HHAT: variants seen among roughly 807,000 people sequenced by gnomAD.
HHAT encodes protein-cysteine N-palmitoyltransferase HHAT.
A neutral mutation model predicts 70.8 loss-of-function variants in HHAT; 47 were observed. That is an observed-to-expected ratio of 0.66 (90% CI 0.53 to 0.85). HHAT has a LOEUF of 0.85. HHAT is among the 40% of genes least tolerant of loss of function. The pLI is 0.00. For missense variants in HHAT, 609 were observed against 604.8 expected, an observed-to-expected ratio of 1.01 and a Z score of -0.07; for synonymous variants, 228 against 247.6, an observed-to-expected ratio of 0.92 and a Z score of 0.74.
chr1:210,450,490 T>C (rs2093729636), intron 7 of HHAT, among the ~76,000 whole-genome samples: 1 of 151,982 alleles, frequency 6.6e-6, no homozygotes, highest in African/African-American at 2.4e-5. Context: ...TTATTTTGTA[T>C]CTTATTTTTA....
intron 10 of HHAT, among the ~76,000 whole-genome samples, chr1:210,595,013 G>C (rs1186967512): frequency 6.6e-6 from 1 of 151,686 alleles, no homozygotes; most frequent in African/African-American, 2.4e-5. Flanking sequence ...TGTGCACAAC[G>C]TGCAGGTTTT....
intron 1 of HHAT, 85 bp from the exon 2 acceptor site, chr1:210,348,848 G>A (rs1048351564): frequency 9.7e-6 from 13 of 1,346,912 alleles, no homozygotes; most frequent in South Asian, 2.9e-5. Context: ...ATGGGTCTCC[G>A]GGAGTGTGAA....
chr1:210,399,539 T>C (rs542134883), intron 4 of HHAT, among the ~76,000 whole-genome samples: 7 of 152,156 alleles, frequency 4.6e-5, no homozygotes, highest in Admixed American at 1.3e-4. Flanking sequence ...CCCAGTTTTA[T>C]ATATGAAGAA....
At chr1:210,626,273 G>A (rs1232460409) in intron 11 of HHAT, among the ~76,000 whole-genome samples, 1 of 152,208 alleles carries the variant, frequency 6.6e-6, no homozygotes, top group African/African-American at 2.4e-5. Flanking sequence ...TCAGTCACAT[G>A]GGATTGGGCT....
intron 9 of HHAT, among the ~76,000 whole-genome samples, chr1:210,561,599 C>T (rs768135717): frequency 6.6e-6 from 1 of 152,200 alleles, no homozygotes; most frequent in Non-Finnish European, 1.5e-5. Context: ...CTGTATGCTA[C>T]TCACATTACC....
chr1:210,475,464 C>T (rs930131647), intron 8 of HHAT, among the ~76,000 whole-genome samples: 2 of 152,146 alleles, frequency 1.3e-5, no homozygotes, highest in Admixed American at 1.3e-4. Context: ...TATCAGAGTC[C>T]TAACCAGGAA....
At chr1:210,513,212 G>C in intron 9 of HHAT, 24 bp downstream of exon 9, 1 of 1,246,226 alleles carries the variant, frequency 8.0e-7, no homozygotes, top group Non-Finnish European at 1.2e-6. Context: ...TTTTATTTTA[G>C]ATAACATTGA....
At chr1:210,411,731 G>A (rs1330267917) in intron 6 of HHAT, among the ~76,000 whole-genome samples, 1 of 152,178 alleles carries the variant, frequency 6.6e-6, no homozygotes, top group Non-Finnish European at 1.5e-5. Context: ...GGGCAATAGA[G>A]TGACACCCTG....
chr1:210,467,382 A>G (rs926597738), intron 8 of HHAT, among the ~76,000 whole-genome samples: 1 of 152,202 alleles, frequency 6.6e-6, no homozygotes, highest in Non-Finnish European at 1.5e-5. Context: ...TTTCATGTTC[A>G]GTATCTGGTG....
intron 8 of HHAT, among the ~76,000 whole-genome samples, chr1:210,479,561 G>C (rs949664441): frequency 2.0e-5 from 3 of 152,198 alleles, no homozygotes; most frequent in Non-Finnish European, 2.9e-5. Flanking sequence ...TGCCCAGAGA[G>C]GAGAGTGGCA....
At position 210,380,317 on chromosome 1, in the gene HHAT, G is replaced by A. The variant is rs115290087; in HGVS notation, c.160-7151G>A. 3.7e-3 allele frequency among the ~76,000 whole-genome samples: 568 copies of A among 152,228 alleles called. 6 individuals are homozygous for A. Among genetic ancestry groups the A allele is most frequent in the African/African-American group, 0.013 (521 of 41,538 alleles). On this transcript the variant is annotated intron_variant, in intron 3 of 11. Transcript: ENST00000261458. ...GCACTTTGGGAGGCTGAGGAGGGTG[G>A]ATCACTTGCAGTCAGGAGTTCAAGA...
chr1:210,371,303 C>T (rs2089553906), intron 3 of HHAT, among the ~76,000 whole-genome samples: 1 of 152,228 alleles, frequency 6.6e-6, no homozygotes, highest in Admixed American at 6.5e-5. Context: ...CATGTGCCAT[C>T]ATACTTGGCT....
At chr1:210,440,791 G>A (rs896366332) in intron 7 of HHAT, among the ~76,000 whole-genome samples, 3 of 152,092 alleles carry the variant, frequency 2.0e-5, no homozygotes, top group African/African-American at 7.3e-5. Flanking sequence ...GAGCTCCAAA[G>A]CATCAAGACA....
Position 210,473,592 on chromosome 1 carries a change from G to T in HHAT, c.1007+8937G>T, listed in dbSNP as rs576484362. 7.2e-5 allele frequency among the ~76,000 whole-genome samples: 11 copies of T among 152,282 alleles called. No individual in the cohort carries two copies. The East Asian group carries it at 2.1e-3, about 29-fold the overall frequency. On this transcript the variant is annotated intron_variant, in intron 8 of 11. Coordinates refer to ENST00000261458, the MANE Select transcript of HHAT (RefSeq NM_018194.6). ...TTCTGTTCTTACCTTACATCCTTGT[G>T]TTACAAAGAGCAATCCAGAAACAGC...
chr1:210,488,938 C>G (rs1398488842), intron 8 of HHAT, among the ~76,000 whole-genome samples: 2 of 152,106 alleles, frequency 1.3e-5, no homozygotes, highest in Admixed American at 6.6e-5. Flanking sequence ...GCAAAGAAGC[C>G]AAAATGGGGA....
chr1:210,343,976 C>A (rs1245274424), intron 1 of HHAT, among the ~76,000 whole-genome samples: 2 of 152,172 alleles, frequency 1.3e-5, no homozygotes, highest in African/African-American at 4.8e-5. Flanking sequence ...ACCCCTTCAA[C>A]AACCCTATAA....
chr1:210,586,004 G>A (rs1289465803), intron 9 of HHAT, among the ~76,000 whole-genome samples: 1 of 152,182 alleles, frequency 6.6e-6, no homozygotes, highest in Non-Finnish European at 1.5e-5. Context: ...GGACACCAAG[G>A]TTGAGGCCTA....
chr1:210,437,100 GA>G (rs2093395853), intron 7 of HHAT, among the ~76,000 whole-genome samples: 1 of 151,990 alleles, frequency 6.6e-6, no homozygotes, highest in South Asian at 2.1e-4. Flanking sequence ...TTATGGGTAA[GA>G]GCACCATATG....
chr1:210,490,156 T>C (rs901781333), intron 8 of HHAT, among the ~76,000 whole-genome samples: 1 of 152,234 alleles, frequency 6.6e-6, no homozygotes, highest in East Asian at 1.9e-4. Flanking sequence ...TGCTCCCTGA[T>C]GTCTGATGAA....
Sources: allele counts gnomAD v4.1 joint callset (sites outside exome capture counted in the v4.1 genomes callset), GRCh38; gene constraint gnomAD v4.1.1; transcripts MANE v1.5; gene names NCBI Gene and HGNC (gene_info 2026-07-23, HGNC 2026-07-21).